DLG2: variants seen among roughly 807,000 people sequenced by gnomAD.
DLG2 encodes the protein disks large homolog 2.
Under a neutral mutation model 132.5 loss-of-function variants are expected in DLG2, and 45 were observed. The ratio of observed to expected loss-of-function variants is 0.34; its 90% CI spans 0.27 to 0.44. The LOEUF is 0.44. Ranked by LOEUF, DLG2 falls within the 20% of genes least tolerant of loss-of-function variation. The pLI is 1.00. For missense variants in DLG2, 1,045 were observed against 1,196.9 expected, an observed-to-expected ratio of 0.87 and a Z score of 1.87; for synonymous variants, 424 against 419.6, an observed-to-expected ratio of 1.01 and a Z score of -0.13.
intron 6 of DLG2, among the ~76,000 whole-genome samples, chr11:84,679,472 T>C (rs1302846154): frequency 6.6e-6 from 1 of 151,800 alleles, no homozygotes; most frequent in Non-Finnish European, 1.5e-5. Context: ...CCTGAGATAA[T>C]GAATGAAAAT....
chr11:84,056,932 A>G (rs1594263034), intron 11 of DLG2, among the ~76,000 whole-genome samples: 2 of 152,140 alleles, frequency 1.3e-5, no homozygotes, highest in African/African-American at 2.4e-5. Context: ...ATTTCGCAAG[A>G]GCCTGCTTTT....
At chr11:84,003,998 G>A (rs901063788) in intron 11 of DLG2, among the ~76,000 whole-genome samples, 7 of 151,944 alleles carry the variant, frequency 4.6e-5, no homozygotes. Flanking sequence ...ATTCACTGCT[G>A]AATTCCACCA....
At chr11:85,596,445 C>G (rs1317988863) in intron 3 of DLG2, among the ~76,000 whole-genome samples, 3 of 152,098 alleles carry the variant, frequency 2.0e-5, no homozygotes, top group Non-Finnish European at 4.4e-5. Context: ...GAGAGAGGGA[C>G]TGGCTTCCTT....
chr11:85,582,035 C>G (rs1268465058), intron 3 of DLG2, among the ~76,000 whole-genome samples: 1 of 152,172 alleles, frequency 6.6e-6, no homozygotes, highest in East Asian at 1.9e-4. Flanking sequence ...CTATATTTGT[C>G]TGCCTTGATG....
intron 3 of DLG2, among the ~76,000 whole-genome samples, chr11:85,408,167 T>C (rs2088947922): frequency 6.7e-6 from 1 of 149,214 alleles, no homozygotes; most frequent in South Asian, 2.1e-4. Context: ...AGATTTAATA[T>C]ATAATATCTA....
In DLG2 at chr11:83,577,906, A is replaced by G. The variant is rs1321345709; in HGVS notation, c.1941-36048T>C. ...TAAATATATAAATGGAAGTTTATAT[A>G]TGTATAATTATATATATTTATAATA... On this transcript the variant is annotated intron_variant, in intron 19 of 27. Coordinates refer to ENST00000376104, the MANE Select transcript of DLG2 (RefSeq NM_001142699.3). 2.3e-5 allele frequency among the ~76,000 whole-genome samples: 3 copies of G among 130,862 alleles called. No homozygotes were observed. The East Asian group carries it at 6.5e-4, about 28-fold the overall frequency. 85.9% of individuals were successfully genotyped at this position (130,862 alleles called of 152,430 possible).
rs575891595 is a variant in DLG2, at chr11:85,222,521, G to A, written c.186+62699C>T. 4.3e-3 allele frequency among the ~76,000 whole-genome samples: 653 copies of A among 152,122 alleles called. 2 individuals are homozygous for A. Among genetic ancestry groups the A allele is most frequent in the African/African-American group, 0.014 (593 of 41,500 alleles). ...AGTTACTATTCTAAGCATTTCACTG[G>A]TATTCCCTCATTGGAAATTCAGAAC... On this transcript the variant is annotated intron_variant, in intron 4 of 27. Coordinates refer to ENST00000376104, the MANE Select transcript of DLG2 (RefSeq NM_001142699.3).
intron 7 of DLG2, among the ~76,000 whole-genome samples, chr11:84,328,230 A>G (rs2098442302): frequency 6.6e-6 from 1 of 152,048 alleles, no homozygotes; most frequent in South Asian, 2.1e-4. Context: ...CATAACTGAA[A>G]AAAGCAAGGG....
intron 19 of DLG2, among the ~76,000 whole-genome samples, chr11:83,578,973 G>C (rs764143813): frequency 6.6e-6 from 1 of 152,184 alleles, no homozygotes; most frequent in Non-Finnish European, 1.5e-5. Flanking sequence ...TAGAATATTT[G>C]CTTCCCCACT....
At chr11:84,557,714 G>A (rs755250465) in intron 6 of DLG2, among the ~76,000 whole-genome samples, 6 of 149,914 alleles carry the variant, frequency 4.0e-5, no homozygotes, top group South Asian at 2.1e-4. Context: ...TTTCCTTTCC[G>A]GAATAACAAA....
intron 19 of DLG2, among the ~76,000 whole-genome samples, chr11:83,614,347 C>G (rs1212447780): frequency 1.3e-5 from 2 of 152,174 alleles, no homozygotes; most frequent in Non-Finnish European, 2.9e-5. Flanking sequence ...TACAGAGACT[C>G]AATTTTTACC....
intron 19 of DLG2, among the ~76,000 whole-genome samples, chr11:83,621,130 C>T (rs906097208): frequency 1.6e-4 from 25 of 151,854 alleles, no homozygotes; most frequent in Non-Finnish European, 3.1e-4. Context: ...ATTAAAATGC[C>T]CTCTCTTCTA....
chr11:84,408,829 T>A lies in DLG2; in HGVS notation c.519+125741A>T, dbSNP rs144915392. Among the ~76,000 whole-genome samples, 871 of 152,238 alleles carry A rather than the reference T, an allele frequency of 5.7e-3. 17 individuals carry two copies. The highest frequency in any genetic ancestry group is 0.019 in the African/African-American group (808 of 41,536). On this transcript the variant is annotated intron_variant, in intron 7 of 27. Coordinates refer to ENST00000376104, the MANE Select transcript of DLG2 (RefSeq NM_001142699.3). ...CCTAAAACATTTTACAACTCAGCATTTTCCCTTGTGCTGCTGTCTTAGTTC... is the reference window on the plus strand; with the variant it reads ...CCTAAAACATTTTACAACTCAGCATATTCCCTTGTGCTGCTGTCTTAGTTC...
At chr11:85,401,029 C>CA (rs58078090) in intron 3 of DLG2, among the ~76,000 whole-genome samples, 1,433 of 143,192 alleles carry the variant, frequency 0.01, 20 homozygotes, top group African/African-American at 0.034. Flanking sequence ...AGAGACATAA[C>CA]AAAAAAAAAA....
intron 7 of DLG2, among the ~76,000 whole-genome samples, chr11:84,487,282 T>C (rs74436327): frequency 0.034 from 5,239 of 152,208 alleles, 226 homozygotes; most frequent in African/African-American, 0.1. Flanking sequence ...ATAAACTCAG[T>C]GTTTATAAAA....
chr11:83,951,637 C>T (rs1433931617), intron 14 of DLG2, among the ~76,000 whole-genome samples: 1 of 152,116 alleles, frequency 6.6e-6, no homozygotes, highest in Non-Finnish European at 1.5e-5. Flanking sequence ...CAAAGTATGC[C>T]TACTGTGATC....
intron 6 of DLG2, among the ~76,000 whole-genome samples, chr11:84,623,846 T>C (rs970339084): frequency 3.9e-5 from 6 of 152,242 alleles, no homozygotes; most frequent in Admixed American, 1.3e-4. Context: ...TTTCTCTTCA[T>C]GTGTTACACA....
At chr11:84,977,054 T>A (rs1452256586) in intron 6 of DLG2, among the ~76,000 whole-genome samples, 1 of 152,096 alleles carries the variant, frequency 6.6e-6, no homozygotes, top group Non-Finnish European at 1.5e-5. Context: ...GTGCCTCTTT[T>A]TTTTTCTGAC....
In DLG2 at chr11:83,466,424, C is replaced by T. The variant is rs113722848; in HGVS notation, c.2729+284G>A. On this transcript the variant is annotated intron_variant, in intron 26 of 27. Coordinates refer to ENST00000376104, the MANE Select transcript of DLG2 (RefSeq NM_001142699.3). ...AAACCTCAAAAACTAACAAAGAAAA[C>T]AATCCGTGAAGTAAAACAATAAAAA... 8.7e-3 allele frequency among the ~76,000 whole-genome samples: 1,331 copies of T among 152,118 alleles called. 24 individuals are homozygous for T. Among genetic ancestry groups the T allele is most frequent in the African/African-American group, 0.03 (1,260 of 41,512 alleles).
Sources: gnomAD v4.1 joint callset for allele counts (sites outside exome capture counted in the v4.1 genomes callset) on GRCh38, gnomAD v4.1.1 for gene constraint, MANE v1.5 for transcripts, NCBI Gene and HGNC (gene_info 2026-07-23, HGNC 2026-07-21) for gene names.